PCDH15: variants seen among roughly 807,000 people sequenced by gnomAD.
PCDH15 encodes protocadherin-15.
A neutral mutation model predicts 178.5 loss-of-function variants in PCDH15; 129 were observed. The ratio of observed to expected loss-of-function variants is 0.72; its 90% CI spans 0.63 to 0.84. PCDH15 has a LOEUF of 0.84. Among genes scored for constraint, PCDH15 ranks in the 40% least tolerant of loss-of-function variants. The pLI is 0.00. For synonymous variants in PCDH15, 800 were observed against 732.0 expected (o/e 1.09, Z -1.50); for missense variants, 2,230 against 2,099.9 (o/e 1.06, Z -1.21).
intron 18 of PCDH15, among the ~76,000 whole-genome samples, chr10:54,055,751 G>T (rs796532687): frequency 6.6e-6 from 1 of 152,068 alleles, no homozygotes; most frequent in Non-Finnish European, 1.5e-5. Context: ...GAAGTAAAAG[G>T]CCACCTCTTT....
At chr10:55,565,762 A>T (rs1842289261) in intron 2 of PCDH15, among the ~76,000 whole-genome samples, 2 of 151,790 alleles carry the variant, frequency 1.3e-5, no homozygotes, top group East Asian at 3.9e-4. Flanking sequence ...ATTCCTAGAG[A>T]TATAAAACTT....
At chr10:55,274,234 G>A (rs757902725) in intron 1 of PCDH15, among the ~76,000 whole-genome samples, 9 of 152,076 alleles carry the variant, frequency 5.9e-5, no homozygotes, top group Non-Finnish European at 1.3e-4. Flanking sequence ...ATAGACCCCA[G>A]AGAGATTCCA....
At chr10:55,148,835 TATATATATTATATAA>T (rs1203692343) in intron 2 of PCDH15, among the ~76,000 whole-genome samples, 3 of 148,296 alleles carry the variant, frequency 2.0e-5, no homozygotes, top group Non-Finnish European at 3.0e-5. Context: ...TCAACAAAAT[TATATATATTATATAA>T]ATATATATTA....
chr10:54,403,257 A>C (rs1305176378), intron 3 of PCDH15, among the ~76,000 whole-genome samples: 2 of 152,024 alleles, frequency 1.3e-5, no homozygotes, highest in Non-Finnish European at 2.9e-5. Flanking sequence ...ACAGAAGAAA[A>C]ATTGGAATCT....
intron 23 of PCDH15, among the ~76,000 whole-genome samples, chr10:53,949,427 T>G (rs2086831343): frequency 6.6e-6 from 1 of 152,236 alleles, no homozygotes; most frequent in African/African-American, 2.4e-5. Flanking sequence ...CAGCTTTCAT[T>G]AACTTATTTG....
chr10:54,352,263 C>T (rs1944299066), intron 5 of PCDH15, among the ~76,000 whole-genome samples: 1 of 152,098 alleles, frequency 6.6e-6, no homozygotes, highest in Admixed American at 6.6e-5. Context: ...TAAACAGAAA[C>T]CATATGAGAG....
At chr10:54,715,081 G>C (rs1215914847) in intron 1 of PCDH15, among the ~76,000 whole-genome samples, 1 of 151,900 alleles carries the variant, frequency 6.6e-6, no homozygotes. Context: ...TTTTCTCCAA[G>C]AGTAAACTAT....
At chr10:54,549,495 T>G (rs1027499016) in intron 2 of PCDH15, among the ~76,000 whole-genome samples, 2 of 151,978 alleles carry the variant, frequency 1.3e-5, no homozygotes, top group Non-Finnish European at 2.9e-5. Flanking sequence ...TACTAATTTA[T>G]GTAGATGTCA....
chr10:53,958,258 G>A (rs1009364209), intron 23 of PCDH15, among the ~76,000 whole-genome samples: 3 of 151,994 alleles, frequency 2.0e-5, no homozygotes, highest in Non-Finnish European at 2.9e-5. Context: ...TCTTTGGATA[G>A]ACTAAACTAC....
rs561346265 is a variant in PCDH15, at chr10:54,217,469, C to T, written c.986-3421G>A. On this transcript the variant is annotated intron_variant, in intron 9 of 37. Transcript: ENST00000644397. ...AGGAGTATTTTACAATAAATAAGCACATTATTATGTGTCATTCTGATTCTA... is the reference window on the plus strand; with the variant it reads ...AGGAGTATTTTACAATAAATAAGCATATTATTATGTGTCATTCTGATTCTA... Among the ~76,000 whole-genome samples, 6 of 152,168 alleles carry T rather than the reference C, an allele frequency of 3.9e-5. No individual in the cohort carries two copies. The South Asian group carries it at 6.2e-4, about 16-fold the overall frequency.
At chr10:54,944,508 T>C (rs926848025) in intron 2 of PCDH15, among the ~76,000 whole-genome samples, 3 of 151,936 alleles carry the variant, frequency 2.0e-5, no homozygotes. Flanking sequence ...TGGGGACTAA[T>C]GCTCAAGAAT....
At chr10:54,041,138 A>C (rs961074752) in intron 18 of PCDH15, among the ~76,000 whole-genome samples, 1 of 152,132 alleles carries the variant, frequency 6.6e-6, no homozygotes, top group African/African-American at 2.4e-5. Context: ...GCAGTGCCAC[A>C]TACCAGTTAG....
At chr10:55,030,478 T>C (rs543013300) in intron 2 of PCDH15, among the ~76,000 whole-genome samples, 2 of 152,238 alleles carry the variant, frequency 1.3e-5, no homozygotes, top group South Asian at 4.1e-4. Context: ...CTTAGCAAAT[T>C]GAGTCATGAC....
chr10:54,711,647 T>G (rs551539991), intron 1 of PCDH15, among the ~76,000 whole-genome samples: 1 of 152,080 alleles, frequency 6.6e-6, no homozygotes, highest in South Asian at 2.1e-4. Flanking sequence ...TTTATGAGTA[T>G]ATTTTTCTGA....
At position 54,894,694 on chromosome 10, in the gene PCDH15, A is replaced by G. The variant is rs1954518231; in HGVS notation, c.-29+2756T>C. 2.6e-5 allele frequency among the ~76,000 whole-genome samples: 4 copies of G among 152,330 alleles called. No homozygotes were observed. The South Asian group carries it at 8.3e-4, about 32-fold the overall frequency. ...GAAAGAAACCAAAGGTCATAAAGAA[A>G]TAAAAATGGCATGTGAATGAAGGAA... On this transcript the variant is annotated intron_variant, in intron 3 of 5. Coordinates refer to the PCDH15 transcript ENST00000458638.
In PCDH15 at chr10:54,459,272, T is replaced by C. The variant is rs2077022468; in HGVS notation, c.157+68540A>G. Among the ~76,000 whole-genome samples, 3 of 152,144 alleles carry C rather than the reference T, an allele frequency of 2.0e-5. No individual in the cohort carries two copies. The South Asian group carries it at 6.2e-4, about 31-fold the overall frequency. ...ACAAGAAGGCGAATAATTATCTTAC[T>C]TGTTTTTATTAATCTTTCTTAAAAG... is the stretch of plus-strand genomic sequence containing the variant. On this transcript the variant is annotated intron_variant, in intron 3 of 37. Coordinates refer to ENST00000644397, the MANE Select transcript of PCDH15 (RefSeq NM_001384140.1).
intron 2 of PCDH15, among the ~76,000 whole-genome samples, chr10:54,648,261 C>T (rs1040839178): frequency 6.6e-6 from 1 of 152,064 alleles, no homozygotes; most frequent in Non-Finnish European, 1.5e-5. Flanking sequence ...TCACTGACAA[C>T]TTGTGGAATT....
intron 18 of PCDH15, among the ~76,000 whole-genome samples, chr10:54,045,799 G>C (rs1449165965): frequency 6.6e-6 from 1 of 151,962 alleles, no homozygotes; most frequent in Non-Finnish European, 1.5e-5. Flanking sequence ...TTTAAGCAAG[G>C]TCAAAAGAAT....
intron 2 of PCDH15, among the ~76,000 whole-genome samples, chr10:54,976,769 A>G (rs1839082688): frequency 1.3e-5 from 2 of 152,278 alleles, no homozygotes; most frequent in Non-Finnish European, 2.9e-5. Context: ...TCCTTGCATA[A>G]TTCTAATTTT....
Sources: gnomAD v4.1 joint callset for allele counts (sites outside exome capture counted in the v4.1 genomes callset) on GRCh38, gnomAD v4.1.1 for gene constraint, MANE v1.5 for transcripts, NCBI Gene and HGNC (gene_info 2026-07-23, HGNC 2026-07-21) for gene names.